The following USP42 variants were observed in gnomAD, a reference collection of about 807,000 sequenced individuals.
The protein encoded by USP42 is ubiquitin specific peptidase 42.
Under a neutral mutation model 113.0 loss-of-function variants are expected in USP42, and 23 were observed. That is an observed-to-expected ratio of 0.20 (90% confidence interval 0.15 to 0.29). The LOEUF (loss-of-function observed/expected upper bound fraction) is 0.29, where lower values mean the gene tolerates loss of function less well. Among genes scored for constraint, USP42 ranks in the 10% least tolerant of loss-of-function variants. The probability of loss-of-function intolerance (pLI) is 1.00; values close to 1 mark genes in which losing one functional copy is unlikely to be tolerated. For synonymous variants in USP42, 933 were observed against 699.0 expected, an observed-to-expected ratio of 1.33 and a Z score of -5.28; for missense variants, 2,174 against 1,779.8, an observed-to-expected ratio of 1.22 and a Z score of -3.99.
intron 3 of USP42, among the ~76,000 whole-genome samples, chr7:6,125,080 C>T (rs977345960): frequency 3.8e-4 from 58 of 150,658 alleles, no homozygotes; most frequent in African/African-American, 1.3e-3. Flanking sequence ...ATTCAGGAGG[C>T]TGAGGCAGGA....
chr7:6,104,665 C>A (rs899093393), upstream of USP42, among the ~76,000 whole-genome samples: 11 of 152,270 alleles, frequency 7.2e-5, no homozygotes, highest in East Asian at 9.7e-4. Context: ...CTTTCGCCGG[C>A]GCGCAGACGC....
intron 7 of USP42, among the ~76,000 whole-genome samples, chr7:6,141,982 G>C (rs895539893): frequency 6.6e-6 from 1 of 152,170 alleles, no homozygotes; most frequent in Non-Finnish European, 1.5e-5. Context: ...CTTTCTGTGT[G>C]AGCGTGCTCT....
In USP42 at chr7:6,122,897, C is replaced by T. The variant is rs559786405; in HGVS notation, c.442+7374C>T. On this transcript the variant is annotated intron_variant, in intron 3 of 17. Transcript: ENST00000306177. ...AGAGTGCAGTGGTATGATCTTGGTTCGCCGCAGCCTCCACCTTTCAAGTTC... is the reference window on the plus strand; with the variant it reads ...AGAGTGCAGTGGTATGATCTTGGTTTGCCGCAGCCTCCACCTTTCAAGTTC... Among the ~76,000 whole-genome samples, 75 of 151,748 alleles carry T rather than the reference C, an allele frequency of 4.9e-4. 1 individual carries two copies. The highest frequency in any genetic ancestry group is 3.2e-3 in the Admixed American group (49 of 15,252).
At chr7:6,097,411 G>A in the USP42 span, among the ~76,000 whole-genome samples, 3 of 119,508 alleles carry the variant, frequency 2.5e-5, no homozygotes, top group East Asian at 7.6e-4. Flanking sequence ...TTTTTTTGGA[G>A]ACAGGCTCAT....
At chr7:6,104,274 G>C (rs930209512), upstream of USP42, among the ~76,000 whole-genome samples, 5 of 151,476 alleles carry the variant, frequency 3.3e-5, no homozygotes, top group South Asian at 6.2e-4. Flanking sequence ...AGTAGAGACA[G>C]GGTTTCACCA....
At chr7:6,114,899 C>G (rs539978776) in intron 2 of USP42, among the ~76,000 whole-genome samples, 268 of 151,400 alleles carry the variant, frequency 1.8e-3, no homozygotes, top group Non-Finnish European at 3.3e-3. Flanking sequence ...ACCTTGTTAG[C>G]CAGGATGGTC....
At chr7:6,131,743 C>G (rs1780862866) in intron 3 of USP42, among the ~76,000 whole-genome samples, 1 of 152,064 alleles carries the variant, frequency 6.6e-6, no homozygotes, top group African/African-American at 2.4e-5. Flanking sequence ...TTCCTTGGGT[C>G]TTGAGGTCCG....
chr7:6,107,409 C>CTTTTTT (rs774259719), intron 1 of USP42, among the ~76,000 whole-genome samples: 9 of 130,784 alleles, frequency 6.9e-5, no homozygotes, highest in Non-Finnish European at 9.8e-5. Flanking sequence ...TCTTCCTTTT[C>CTTTTTT]TTTTTTTTTT....
intron 2 of USP42, among the ~76,000 whole-genome samples, chr7:6,114,120 A>C (rs187577129): frequency 4.6e-5 from 7 of 152,274 alleles, no homozygotes; most frequent in African/African-American, 1.4e-4. Flanking sequence ...ACAAGTGTGT[A>C]CAGTGGTACC....
intron 15 of USP42, among the ~76,000 whole-genome samples, 188 bp downstream of exon 15, chr7:6,155,383 T>C (rs555145582): frequency 1.3e-5 from 2 of 152,354 alleles, no homozygotes; most frequent in Admixed American, 1.3e-4. Context: ...TTTGCCCTGC[T>C]TTGAAGCTGT....
At chr7:6,117,706 G>C (rs1415580669) in intron 3 of USP42, among the ~76,000 whole-genome samples, 2 of 152,172 alleles carry the variant, frequency 1.3e-5, no homozygotes, top group East Asian at 1.9e-4. Context: ...CCAATACTTG[G>C]TGGGGTCAGT....
chr7:6,144,840 A>G (rs1344775375), intron 9 of USP42, among the ~76,000 whole-genome samples: 3 of 151,896 alleles, frequency 2.0e-5, no homozygotes, highest in Non-Finnish European at 4.4e-5. Context: ...ACTGCACTCC[A>G]GCCTGGGCAA....
At chr7:6,105,499 C>T (rs1268913843) in intron 1 of USP42, among the ~76,000 whole-genome samples, 1 of 148,988 alleles carries the variant, frequency 6.7e-6, no homozygotes, top group Admixed American at 6.7e-5. Flanking sequence ...TGCCACCTCC[C>T]GCCCCGGAGC....
upstream of USP42, among the ~76,000 whole-genome samples, chr7:6,100,431 G>A (rs1402844621): frequency 2.6e-5 from 4 of 151,042 alleles, no homozygotes; most frequent in East Asian, 5.8e-4. Context: ...CTGGGTTCAA[G>A]CGATTCTCTT....
Position 6,159,075 on chromosome 7 carries a change from C to T in USP42, c.3944-375C>T, listed in dbSNP as rs1328067396. ...TGAGAAGGCCGCTGCCCGGCCCCGC[C>T]TCACCCAGCGTCCTGTGGTCCTGCG... is the stretch of plus-strand genomic sequence containing the variant. On this transcript the variant is annotated intron_variant, in intron 16 of 17. Coordinates refer to ENST00000306177, the MANE Select transcript of USP42 (RefSeq NM_032172.3). The surrounding 1 kb of genome is among the most constrained non-coding windows in gnomAD (Gnocchi z 4.1). 6.6e-6 allele frequency among the ~76,000 whole-genome samples: 1 copy of T among 152,214 alleles called. No homozygotes were observed. Among genetic ancestry groups the T allele is most frequent in the African/African-American group, 2.4e-5 (1 of 41,452 alleles).
At position 6,158,640 on chromosome 7, in the gene USP42, C is replaced by T. The variant is rs752105248; in HGVS notation, c.3944-810C>T. Among the ~76,000 whole-genome samples, 1 of 152,230 alleles carries T rather than the reference C, an allele frequency of 6.6e-6. No individual in the cohort carries two copies. ...AACAGCCGGAGATGAGGACAGGCAC[C>T]AGCACTGCCGGTGAGGACGGGTTGC... On this transcript the variant is annotated intron_variant, in intron 16 of 17. Coordinates refer to ENST00000306177, the MANE Select transcript of USP42 (RefSeq NM_032172.3). This position sits in a 1 kb window ranked among gnomAD's most constrained non-coding sequence, Gnocchi z 4.2.
At chr7:6,119,473 C>G (rs562122665) in intron 3 of USP42, among the ~76,000 whole-genome samples, 4 of 152,046 alleles carry the variant, frequency 2.6e-5, no homozygotes, top group Admixed American at 6.6e-5. Context: ...CTTACGTCAA[C>G]CAAAATAAAA....
chr7:6,140,218 A>G (rs754885701), intron 6 of USP42, 23 bp downstream of exon 6: 1 of 1,595,012 alleles, frequency 6.3e-7, no homozygotes, highest in Non-Finnish European at 8.6e-7. Context: ...TTATAAGTTG[A>G]TAAAATGATA....
At chr7:6,149,490 AG>A in intron 12 of USP42, 92 bp from the exon 13 acceptor site, 1 of 1,461,548 alleles carries the variant, frequency 6.8e-7, no homozygotes, top group Admixed American at 2.5e-5. Context: ...AAAAAAAAAA[AG>A]CAAAATGGGA....
Sources: gnomAD v4.1 joint callset for allele counts (sites outside exome capture counted in the v4.1 genomes callset) on GRCh38, gnomAD v4.1.1 for gene constraint, Gnocchi (gnomAD v3.1) non-coding constraint, MANE v1.5 for transcripts, NCBI Gene and HGNC (gene_info 2026-07-23, HGNC 2026-07-21) for gene names.